Variants in SLC39A11 observed in about 807,000 individuals in gnomAD.
The protein encoded by SLC39A11 is zinc transporter ZIP11.
Under a neutral mutation model 36.1 loss-of-function variants are expected in SLC39A11, and 33 were observed. That is an observed-to-expected ratio of 0.91 (90% CI 0.69 to 1.22). The LOEUF (loss-of-function observed/expected upper bound fraction) is 1.22. Among genes scored for constraint, SLC39A11 ranks in the 50% most tolerant of loss-of-function variants. The pLI, the probability that SLC39A11 is intolerant of heterozygous loss-of-function variation, is 0.00. For missense variants in SLC39A11, 432 were observed against 430.3 expected (o/e 1.00, Z -0.03); for synonymous variants, 166 against 170.3 (o/e 0.97, Z 0.20).
chr17:72,739,158 C>CA (rs2074565515), intron 6 of SLC39A11, among the ~76,000 whole-genome samples: 3 of 150,532 alleles, frequency 2.0e-5, no homozygotes, highest in African/African-American at 7.3e-5. Flanking sequence ...GACACAGTCT[C>CA]ACTCTGTCGC....
intron 7 of SLC39A11, among the ~76,000 whole-genome samples, chr17:72,685,292 C>T (rs901432667): frequency 1.9e-5 from 1 of 51,578 alleles, no homozygotes; most frequent in Admixed American, 1.6e-4. Context: ...GGGAGGACCT[C>T]GTTTAGGAAG....
intron 7 of SLC39A11, among the ~76,000 whole-genome samples, chr17:72,671,956 C>G (rs1378290515): frequency 1.3e-5 from 2 of 151,990 alleles, no homozygotes; most frequent in Non-Finnish European, 2.9e-5. Flanking sequence ...TACACAGAAT[C>G]GTGACTATAG....
intron 6 of SLC39A11, among the ~76,000 whole-genome samples, chr17:72,769,422 A>G (rs1334458303): frequency 2.0e-5 from 3 of 152,226 alleles, no homozygotes; most frequent in Non-Finnish European, 4.4e-5. Context: ...ACCTTGTGAA[A>G]GGAAACGGAT....
At chr17:72,750,590 T>C (rs1033333332) in intron 6 of SLC39A11, among the ~76,000 whole-genome samples, 1 of 151,936 alleles carries the variant, frequency 6.6e-6, no homozygotes, top group Admixed American at 6.6e-5. Flanking sequence ...TAACCTAAGA[T>C]ACAGGTTCAT....
Position 72,647,262 on chromosome 17 carries a change from G to T in SLC39A11, c.*322C>A. The T allele has an allele frequency of 4.6e-6, 1 of 217,724 alleles. No homozygotes were observed. The highest frequency in any genetic ancestry group is 9.2e-6 in the Non-Finnish European group (1 of 109,134). 13.5% of individuals were successfully genotyped at this position (217,724 alleles called of 1,614,324 possible). On this transcript the variant is annotated 3_prime_UTR_variant, in exon 10 of 10. Transcript: ENST00000255559. ...CTTCTATAGGTGACCTTGAGGAGTT[G>T]GGAGGCAGATAGAAGGTCCCGAAGT...
At chr17:72,827,455 C>T (rs1313042922) in intron 6 of SLC39A11, among the ~76,000 whole-genome samples, 1 of 152,116 alleles carries the variant, frequency 6.6e-6, no homozygotes, top group Non-Finnish European at 1.5e-5. Flanking sequence ...TTCTAAAAAT[C>T]ATTAAACTGT....
chr17:72,860,491 G>A (rs746921257), intron 5 of SLC39A11, among the ~76,000 whole-genome samples: 1 of 152,238 alleles, frequency 6.6e-6, no homozygotes, highest in East Asian at 1.9e-4. Context: ...TCCTCTCCTG[G>A]GGATTGTCAA....
intron 6 of SLC39A11, among the ~76,000 whole-genome samples, chr17:72,799,089 G>A (rs1205785374): frequency 6.6e-6 from 1 of 152,268 alleles, no homozygotes; most frequent in Admixed American, 6.5e-5. Context: ...ATGTATGGTT[G>A]CATGCATGTC....
intron 4 of SLC39A11, among the ~76,000 whole-genome samples, chr17:73,015,946 G>A (rs2058150037): frequency 1.3e-5 from 2 of 152,098 alleles, no homozygotes; most frequent in African/African-American, 4.8e-5. Context: ...CTTAGACTAT[G>A]ACATCATTAA....
chr17:72,951,585 C>A (rs771203731), intron 4 of SLC39A11, among the ~76,000 whole-genome samples: 13 of 152,104 alleles, frequency 8.5e-5, no homozygotes, highest in Non-Finnish European at 1.6e-4. Context: ...ATAAACCCAT[C>A]ATGATAAACT....
chr17:72,776,785 C>T (rs1239457106), intron 6 of SLC39A11, among the ~76,000 whole-genome samples: 2 of 152,060 alleles, frequency 1.3e-5, no homozygotes, highest in African/African-American at 2.4e-5. Context: ...CTCCACTTTA[C>T]AGGTAGAAAA....
chr17:72,773,700 T>C (rs574546733), intron 6 of SLC39A11, among the ~76,000 whole-genome samples: 65 of 144,420 alleles, frequency 4.5e-4, no homozygotes, highest in Non-Finnish European at 7.4e-4. Flanking sequence ...AGGATATCAG[T>C]GTCATTGCAG....
chr17:73,002,315 G>A (rs188410223), intron 4 of SLC39A11, among the ~76,000 whole-genome samples: 1 of 152,294 alleles, frequency 6.6e-6, no homozygotes, highest in East Asian at 1.9e-4. Context: ...TAAAGGGGCA[G>A]GGGCTGAGTG....
At chr17:72,761,271 C>T (rs992764544) in intron 6 of SLC39A11, among the ~76,000 whole-genome samples, 5 of 152,214 alleles carry the variant, frequency 3.3e-5, no homozygotes, top group Middle Eastern at 3.4e-3. Context: ...CCCGCCACCA[C>T]GCCTGGCTAA....
Position 72,694,783 on chromosome 17 carries a change from G to A in SLC39A11, c.671+41867C>T, listed in dbSNP as rs544835314. ...CACCAGAGAGAAGACCTGGGGCTGG[G>A]GTCTGCTGACTGTCATCCCAGGCTA... On this transcript the variant is annotated intron_variant, in intron 7 of 9. Transcript: ENST00000255559. Among the ~76,000 whole-genome samples, 26 of 152,298 alleles carry A rather than the reference G, an allele frequency of 1.7e-4. No individual in the cohort carries two copies. The South Asian group carries it at 5.4e-3, about 32-fold the overall frequency.
intron 6 of SLC39A11, among the ~76,000 whole-genome samples, chr17:72,845,662 G>A (rs958978111): frequency 2.0e-5 from 3 of 152,008 alleles, no homozygotes; most frequent in Non-Finnish European, 2.9e-5. Flanking sequence ...CTATAATATT[G>A]GTTATAGAAG....
In SLC39A11 at chr17:72,958,624, G is replaced by C. The variant is rs557051898; in HGVS notation, c.307-10749C>G. ...CCAGCACTTTGCGAGGCCAAGGAAGGCATATCACCTGGGATCAGGAATTCG... is the reference window on the plus strand; with the variant it reads ...CCAGCACTTTGCGAGGCCAAGGAAGCCATATCACCTGGGATCAGGAATTCG... On this transcript the variant is annotated intron_variant, in intron 4 of 9. Transcript: ENST00000255559. Among the ~76,000 whole-genome samples, 3 of 152,326 alleles carry C rather than the reference G, an allele frequency of 2.0e-5. No homozygotes were observed. The South Asian group carries it at 6.2e-4, about 32-fold the overall frequency.
intron 6 of SLC39A11, among the ~76,000 whole-genome samples, chr17:72,820,164 T>C (rs1374032144): frequency 6.6e-6 from 1 of 151,132 alleles, no homozygotes; most frequent in African/African-American, 2.4e-5. Flanking sequence ...CTATGGACAA[T>C]TGTAATAAAA....
intron 5 of SLC39A11, among the ~76,000 whole-genome samples, chr17:72,945,931 C>T (rs990685638): frequency 3.9e-5 from 6 of 152,176 alleles, no homozygotes; most frequent in Admixed American, 1.3e-4. Flanking sequence ...CCCCACCAGC[C>T]CATGGCCCTG....
Sources: allele counts gnomAD v4.1 joint callset (sites outside exome capture counted in the v4.1 genomes callset), GRCh38; gene constraint gnomAD v4.1.1; transcripts MANE v1.5; gene names NCBI Gene and HGNC (gene_info 2026-07-23, HGNC 2026-07-21).